CCSAP: variants seen among roughly 807,000 people sequenced by gnomAD.
The protein encoded by CCSAP is centriole, cilia and spindle-associated protein.
In CCSAP, 17 loss-of-function variants were observed where a neutral mutation model predicts 25.9. The ratio of observed to expected loss-of-function variants is 0.66; its 90% CI spans 0.45 to 0.99. The LOEUF is 0.99. CCSAP is among the 50% of genes least tolerant of loss of function. The probability of loss-of-function intolerance (pLI) is 0.00; values close to 1 mark genes in which losing one functional copy is unlikely to be tolerated. For missense variants in CCSAP, 339 were observed against 367.8 expected, an observed-to-expected ratio of 0.92 and a Z score of 0.64; for synonymous variants, 169 against 157.1, an observed-to-expected ratio of 1.08 and a Z score of -0.57.
chr1:229,326,923 G>T lies in CCSAP; in HGVS notation c.451C>A (p.Pro151Thr). The T allele has an allele frequency of 6.2e-7, 1 of 1,614,174 alleles. No homozygotes were observed. The highest frequency in any genetic ancestry group is 8.5e-7 in the Non-Finnish European group (1 of 1,180,032). Residue 151 changes from proline (P) to threonine (T), a missense_variant, in exon 3 of 4, where the codon CCT (proline) becomes ACT (threonine). Physicochemically the swap from Pro to Thr is conservative, Grantham distance 38. Coordinates refer to ENST00000284617, the MANE Select transcript of CCSAP (RefSeq NM_145257.5). ...AATAAGGCACTTGGTTGCTGTCGAG[G>T]CTCAGTACTGGTGGGTGATTTGTCA... is the stretch of plus-strand genomic sequence containing the variant. ...ETDKSPTSTEPRQQPSALFAR... is the reference protein window; with the variant it reads ...ETDKSPTSTETRQQPSALFAR...
At chr1:229,325,435 A>G in intron 3 of CCSAP, 24 bp from the exon 4 acceptor site, 1 of 1,602,872 alleles carries the variant, frequency 6.2e-7, no homozygotes, top group Non-Finnish European at 8.5e-7. Flanking sequence ...AAAATAAAGG[A>G]TAGTAACTTA....
At chr1:229,339,890 C>T (rs933023121) in intron 2 of CCSAP, among the ~76,000 whole-genome samples, 3 of 151,466 alleles carry the variant, frequency 2.0e-5, no homozygotes, top group Non-Finnish European at 4.4e-5. Context: ...GGAGATGGGC[C>T]GTGTGTGTGT....
At chr1:229,334,238 TTTTTGTATTTTTAGTAG>T (rs1658145866) in intron 2 of CCSAP, among the ~76,000 whole-genome samples, 1 of 152,186 alleles carries the variant, frequency 6.6e-6, no homozygotes, top group Non-Finnish European at 1.5e-5. Flanking sequence ...ACCCACCTAA[TTTTTGTATTTTTAGTAG>T]AGATGGGGTT....
At chr1:229,333,248 CG>C (rs1365091442) in intron 2 of CCSAP, among the ~76,000 whole-genome samples, 1 of 151,550 alleles carries the variant, frequency 6.6e-6, no homozygotes, top group African/African-American at 2.4e-5. Context: ...CTGGGTAACA[CG>C]GTGAAACCCC....
chr1:229,323,145 A>G lies in CCSAP; in HGVS notation c.*2090T>C, dbSNP rs1170011169. Reference sequence around the variant, plus strand: ...GAAGGCTTACAATTCATACTGATTTATTAACCATTCATGCACTTTAAAAGC... The same window carrying G: ...GAAGGCTTACAATTCATACTGATTTGTTAACCATTCATGCACTTTAAAAGC... On this transcript the variant is annotated 3_prime_UTR_variant, in exon 4 of 4. Transcript: ENST00000284617. 1 of 152,258 alleles carries G rather than the reference A, an allele frequency of 6.6e-6. No individual in the cohort carries two copies. The highest frequency in any genetic ancestry group is 1.5e-5 in the Non-Finnish European group (1 of 68,042). The allele number at this position is 152,258 out of a possible 1,614,324, so 9.4% of individuals were successfully genotyped here. A position where few individuals can be genotyped will look rare whatever the true frequency, so the allele number is the denominator to read the frequency against.
intron 2 of CCSAP, among the ~76,000 whole-genome samples, chr1:229,333,362 G>A (rs1181722352): frequency 6.6e-6 from 1 of 151,214 alleles, no homozygotes. Context: ...GAACCCGGGA[G>A]GCGGAGCTTG....
chr1:229,327,542 G>A (rs925957985), intron 2 of CCSAP: 4 of 456,134 alleles, frequency 8.8e-6, no homozygotes, highest in Admixed American at 4.7e-5. Flanking sequence ...CCGCCTAGGT[G>A]CGCAGCCAGG....
chr1:229,333,222 G>A (rs1658113317), intron 2 of CCSAP, among the ~76,000 whole-genome samples: 2 of 151,722 alleles, frequency 1.3e-5, no homozygotes, highest in African/African-American at 4.8e-5. Flanking sequence ...CACGAGGTCA[G>A]GAGATAGAGA....
chr1:229,342,307 G>T lies in CCSAP; in HGVS notation c.159C>A (p.Gly53=). ...CCGAGTCCTCCGAGGAGCCGGCCGGGCCCCAGTCGTCCCAGAGCCAGGGCG... is the reference window on the plus strand; with the variant it reads ...CCGAGTCCTCCGAGGAGCCGGCCGGTCCCCAGTCGTCCCAGAGCCAGGGCG... ...AHAPWLWDDW[G]PAGSSEDSAS... is the part of the protein sequence containing the mutation. Residue 53 remains glycine, a synonymous_variant, in exon 2 of 4, where the codon GGC becomes GGA. Transcript: ENST00000284617. This position sits in a 1 kb window ranked among gnomAD's most constrained non-coding sequence, Gnocchi z 7.5. 1 of 1,462,950 alleles carries T rather than the reference G, an allele frequency of 6.8e-7. No individual in the cohort carries two copies. The highest frequency in any genetic ancestry group is 1.3e-5 in the South Asian group (1 of 74,104). The allele number at this position is 1,462,950 out of a possible 1,614,324, so 90.6% of individuals were successfully genotyped here. A position where few individuals can be genotyped will look rare whatever the true frequency, so the allele number is the denominator to read the frequency against.
chr1:229,329,940 G>A (rs1389877932), intron 2 of CCSAP, among the ~76,000 whole-genome samples: 3 of 152,056 alleles, frequency 2.0e-5, no homozygotes, highest in Non-Finnish European at 4.4e-5. Flanking sequence ...GCAGTGAGCC[G>A]AGATTGCACC....
intron 2 of CCSAP, among the ~76,000 whole-genome samples, chr1:229,341,368 T>G (rs773370163): frequency 2.0e-5 from 3 of 152,204 alleles, no homozygotes; most frequent in Non-Finnish European, 4.4e-5. Flanking sequence ...GAAGGAACCA[T>G]TGGTTACTCC....
rs1657849434 is a variant in CCSAP at position 229,322,524 on chromosome 1, A to G, written c.*2711T>C. On this transcript the variant is annotated 3_prime_UTR_variant, in exon 4 of 4. Transcript: ENST00000284617. ...TCACATTTTTCCAAGTAAATAGAAT[A>G]TTAACTATAACTACTAACTATAATC... 1 of 152,228 alleles carries G rather than the reference A, an allele frequency of 6.6e-6. No individual in the cohort carries two copies. Among genetic ancestry groups the G allele is most frequent in the Admixed American group, 6.5e-5 (1 of 15,278 alleles). 9.4% of individuals were successfully genotyped at this position (152,228 alleles called of 1,614,324 possible). A position where few individuals can be genotyped will look rare whatever the true frequency, so the allele number is the denominator to read the frequency against.
chr1:229,325,534 T>C (rs1657920347), intron 3 of CCSAP, 123 bp from the exon 4 acceptor site: 1 of 777,728 alleles, frequency 1.3e-6, no homozygotes, highest in Non-Finnish European at 2.0e-6. Flanking sequence ...AAGCCCTGCC[T>C]CTCTATATAG....
intron 2 of CCSAP, among the ~76,000 whole-genome samples, chr1:229,330,396 C>A (rs1374643992): frequency 6.6e-6 from 1 of 152,142 alleles, no homozygotes; most frequent in Admixed American, 6.5e-5. Flanking sequence ...AGAAGAAACA[C>A]AGAGCCGGAA....
In CCSAP at chr1:229,342,125, T is replaced by TCCGCGTCCC; in HGVS notation, c.340_341insGGGACGCGG (p.Ala113_Glu114insGlyAspAla). The TCCGCGTCCC allele has an allele frequency of 7.4e-7, 1 of 1,343,210 alleles. No individual in the cohort carries two copies. The highest frequency in any genetic ancestry group is 9.5e-7 in the Non-Finnish European group (1 of 1,048,640). 83.2% of individuals were successfully genotyped at this position (1,343,210 alleles called of 1,614,324 possible). Reference sequence around the variant, plus strand: ...TGGCAGAGCCGCGTCCTCCGCGTCCTCGGCCTCCGCGTCCCCGGCCTCCGC... The same window carrying TCCGCGTCCC: ...TGGCAGAGCCGCGTCCTCCGCGTCCTCCGCGTCCCCGGCCTCCGCGTCCCCGGCCTCCGC... On this transcript the variant is annotated inframe_insertion, in exon 2 of 4. Transcript: ENST00000284617. The surrounding 1 kb of genome is among the most constrained non-coding windows in gnomAD (Gnocchi z 7.5).
Position 229,342,206 on chromosome 1 carries a change from G to T in CCSAP, c.260C>A (p.Pro87Gln). The T allele has an allele frequency of 8.0e-7, 1 of 1,255,036 alleles. No homozygotes were observed. Among genetic ancestry groups the T allele is most frequent in the Non-Finnish European group, 1.0e-6 (1 of 1,002,230 alleles). The allele number at this position is 1,255,036 out of a possible 1,614,324, so 77.7% of individuals were successfully genotyped here. A position where few individuals can be genotyped will look rare whatever the true frequency, so the allele number is the denominator to read the frequency against. The stretch of plus-strand genomic sequence containing the variant: ...CCGTTCCGCCTCCTCCTGGGTCGCC[G>T]GCTCTACGGGCGGCGGGGGCGAGGG... Reference protein sequence around the residue: ...APPSPPPPVEPATQEEAERRA... With the variant: ...APPSPPPPVEQATQEEAERRA... Residue 87 changes from proline (P) to glutamine (Q), a missense_variant, in exon 2 of 4, where the codon CCG becomes CAG. Pro to Gln is a moderately conservative substitution (Grantham distance 76). Coordinates refer to ENST00000284617, the MANE Select transcript of CCSAP (RefSeq NM_145257.5). This position sits in a 1 kb window ranked among gnomAD's most constrained non-coding sequence, Gnocchi z 7.5.
chr1:229,325,450 G>C (rs1158758238), intron 3 of CCSAP, 39 bp from the exon 4 acceptor site: 3 of 1,575,706 alleles, frequency 1.9e-6, no homozygotes, highest in Non-Finnish European at 1.7e-6. Context: ...AACTTAAGGG[G>C]CTATTATACT....
intron 2 of CCSAP, among the ~76,000 whole-genome samples, chr1:229,334,640 A>G (rs1419536537): frequency 6.6e-6 from 1 of 152,184 alleles, no homozygotes; most frequent in Non-Finnish European, 1.5e-5. Flanking sequence ...CAAATCTTTA[A>G]TGTGGGGAAA....
chr1:229,340,303 T>C, intron 2 of CCSAP: 1 of 676,494 alleles, frequency 1.5e-6, no homozygotes, highest in South Asian at 1.6e-5. Flanking sequence ...CATCCTTTCT[T>C]CTTCCTGATG....
Sources: allele counts gnomAD v4.1 joint callset (sites outside exome capture counted in the v4.1 genomes callset), GRCh38; gene constraint gnomAD v4.1.1; non-coding constraint Gnocchi (gnomAD v3.1); transcripts MANE v1.5; gene names NCBI Gene and HGNC (gene_info 2026-07-23, HGNC 2026-07-21).